The following NHEJ1 variants were observed in gnomAD, a reference collection of about 807,000 sequenced individuals.
NHEJ1 encodes the protein non-homologous end-joining factor 1.
NHEJ1 carries 22 observed loss-of-function variants against 39.4 expected under a neutral mutation model. That is an observed-to-expected ratio of 0.56 (90% CI 0.40 to 0.80). The LOEUF is 0.80. NHEJ1 is among the 30% of genes least tolerant of loss of function. The pLI, the probability that NHEJ1 is intolerant of heterozygous loss-of-function variation, is 0.00. For synonymous variants in NHEJ1, 154 were observed against 135.6 expected, an observed-to-expected ratio of 1.14 and a Z score of -0.94; for missense variants, 329 against 357.1, an observed-to-expected ratio of 0.92 and a Z score of 0.63.
intron 5 of NHEJ1, among the ~76,000 whole-genome samples, chr2:219,079,437 G>A (rs531266137): frequency 6.6e-6 from 1 of 152,326 alleles, no homozygotes; most frequent in Admixed American, 6.5e-5. Flanking sequence ...GAATAGAAGA[G>A]AGAAAGTGTG....
rs948519660 is a variant in NHEJ1 at position 219,080,800 on chromosome 2, A to C, written c.589-2594T>G. Among the ~76,000 whole-genome samples the C allele has an allele frequency of 2.0e-5, 3 of 152,082 alleles. No individual in the cohort carries two copies. In the South Asian group the frequency reaches 6.2e-4, roughly 32 times the overall value. ...CTACTATTTCCCTGGCATCTAGAAG[A>C]ACCCTGAGCTCACGGTAGAGGCTCA... On this transcript the variant is annotated intron_variant, in intron 5 of 7. Transcript: ENST00000356853.
At chr2:219,119,879 C>A (rs1949455007) in intron 5 of NHEJ1, among the ~76,000 whole-genome samples, 1 of 152,184 alleles carries the variant, frequency 6.6e-6, no homozygotes, top group Non-Finnish European at 1.5e-5. Context: ...TCCTACAGCT[C>A]TTTGTGACGT....
In NHEJ1 at chr2:219,149,552, G is replaced by T. The variant is rs559713109; in HGVS notation, c.391-1757C>A. On this transcript the variant is annotated intron_variant, in intron 3 of 7. Coordinates refer to ENST00000356853, the MANE Select transcript of NHEJ1 (RefSeq NM_024782.3). ...AATCGCTTGAATCCGGGAGGCAGAG[G>T]TTGCGGTGAGCCAAGATCATGCCAT... Among the ~76,000 whole-genome samples, 492 of 152,280 alleles carry T rather than the reference G, an allele frequency of 3.2e-3. 2 individuals carry two copies. The highest frequency in any genetic ancestry group is 5.3e-3 in the Non-Finnish European group (359 of 68,022).
chr2:219,157,698 A>C lies in NHEJ1; in HGVS notation c.178-14T>G. 1 of 1,606,432 alleles carries C rather than the reference A, an allele frequency of 6.2e-7. No homozygotes were observed. The highest frequency in any genetic ancestry group is 8.5e-7 in the Non-Finnish European group (1 of 1,174,804). On this transcript the variant is annotated splice_polypyrimidine_tract_variant and intron_variant, in intron 2 of 7. Transcript: ENST00000356853. ...CTTGTTCAGCTCCTAAAGAGAGAGC[A>C]GTGGTACAGAGTAAGGGTGCTAAAA...
intron 7 of NHEJ1, 102 bp from the exon 8 acceptor site, chr2:219,076,557 C>T (rs866277313): frequency 7.6e-5 from 35 of 457,712 alleles, no homozygotes; most frequent in African/African-American, 1.7e-4. Flanking sequence ...AGGATGAGGC[C>T]TTTTTTTTTT....
intron 1 of NHEJ1, among the ~76,000 whole-genome samples, chr2:219,159,542 T>TATATATGC (rs1553549806): frequency 0.024 from 832 of 34,296 alleles, 60 homozygotes; most frequent in African/African-American, 0.057. Context: ...TATATGCATA[T>TATATATGC]ATATATATGC....
chr2:219,095,257 T>C (rs918612436), intron 5 of NHEJ1: 5 of 469,588 alleles, frequency 1.1e-5, no homozygotes, highest in East Asian at 6.9e-5. Context: ...GGGAAGACAA[T>C]GGAAACAAAA....
intron 5 of NHEJ1, 135 bp from the exon 6 acceptor site, chr2:219,078,341 A>T (rs1949033654): frequency 1.3e-6 from 1 of 773,356 alleles, no homozygotes; most frequent in East Asian, 2.5e-5. Context: ...GGGCGACCAT[A>T]TCCAAGCCTG....
intron 5 of NHEJ1, among the ~76,000 whole-genome samples, chr2:219,115,153 A>AAAG (rs138331690): frequency 0.042 from 6,198 of 148,058 alleles, 173 homozygotes; most frequent in Non-Finnish European, 0.06. Flanking sequence ...CGTATTTTAA[A>AAAG]AAGAAGAAGA....
In NHEJ1 at chr2:219,141,102, AG is replaced by A. The variant is rs1439945019; in HGVS notation, c.588+5577del. 8.1e-4 allele frequency among the ~76,000 whole-genome samples: 124 copies of A among 152,234 alleles called. 2 individuals are homozygous for A. Among genetic ancestry groups the A allele is most frequent in the Non-Finnish European group, 1.5e-4 (10 of 68,032 alleles). On this transcript the variant is annotated intron_variant, in intron 5 of 7. Coordinates refer to ENST00000356853, the MANE Select transcript of NHEJ1 (RefSeq NM_024782.3). The stretch of plus-strand genomic sequence containing the variant: ...AAGCCAAAAAAGGGACAGAAAGGCC[AG>A]GAACAGTGGCTCACACCTGTAATCC...
chr2:219,146,063 T>G (rs1949736571), intron 5 of NHEJ1, among the ~76,000 whole-genome samples: 1 of 152,180 alleles, frequency 6.6e-6, no homozygotes, highest in Admixed American at 6.5e-5. Context: ...AGGTCACTAT[T>G]ATTAATACTT....
In NHEJ1 at chr2:219,159,586, TGC is replaced by T. The variant is rs774623263; in HGVS notation, c.-1+1132_-1+1133del. Among the ~76,000 whole-genome samples the T allele has an allele frequency of 1.1e-3, 111 of 105,382 alleles. 7 individuals carry two copies. Among genetic ancestry groups the T allele is most frequent in the East Asian group, 8.8e-3 (36 of 4,068 alleles). The allele number at this position is 105,382 out of a possible 152,430, so 69.1% of individuals were successfully genotyped here. ...ATGCATATATATATGCATATATATA[TGC>T]ATATATATATATGCATATATATACA... On this transcript the variant is annotated intron_variant, in intron 1 of 7. Transcript: ENST00000356853.
chr2:219,144,412 TTA>T (rs1949717243), intron 5 of NHEJ1, among the ~76,000 whole-genome samples: 1 of 151,842 alleles, frequency 6.6e-6, no homozygotes, highest in Non-Finnish European at 1.5e-5. Flanking sequence ...TATTACAATG[TTA>T]TAAGTGGTAA....
Position 219,159,552 on chromosome 2 carries a change from C to CATAT in NHEJ1, c.-1+1164_-1+1167dup, listed in dbSNP as rs373057307. Among the ~76,000 whole-genome samples the CATAT allele has an allele frequency of 5.1e-4, 34 of 66,378 alleles. 2 individuals carry two copies. Among genetic ancestry groups the CATAT allele is most frequent in the African/African-American group, 1.5e-3 (21 of 14,018 alleles). 43.5% of individuals were successfully genotyped at this position (66,378 alleles called of 152,430 possible). On this transcript the variant is annotated intron_variant, in intron 1 of 7. Coordinates refer to ENST00000356853, the MANE Select transcript of NHEJ1 (RefSeq NM_024782.3). ...ATATATATATGCATATATATATATGCATATATATATGCATATATATATGCA... is the reference window on the plus strand; with the variant it reads ...ATATATATATGCATATATATATATGCATATATATATATATGCATATATATATGCA...
chr2:219,148,991 C>A (rs887237340), intron 3 of NHEJ1, among the ~76,000 whole-genome samples: 1 of 151,938 alleles, frequency 6.6e-6, no homozygotes, highest in Non-Finnish European at 1.5e-5. Context: ...TCAAGCGATT[C>A]TCCTGCCTCA....
intron 7 of NHEJ1, among the ~76,000 whole-genome samples, chr2:219,076,909 T>C (rs1242807931): frequency 6.6e-6 from 1 of 152,164 alleles, no homozygotes; most frequent in Non-Finnish European, 1.5e-5. Context: ...GCAAATGCGA[T>C]ATAAGACCCT....
intron 5 of NHEJ1, among the ~76,000 whole-genome samples, chr2:219,129,732 CATT>C (rs1949558738): frequency 6.6e-6 from 1 of 152,248 alleles, no homozygotes; most frequent in Non-Finnish European, 1.5e-5. Context: ...TCAGGCCCAT[CATT>C]ATGTGGCTAA....
At chr2:219,081,138 C>T (rs1428808748) in intron 5 of NHEJ1, among the ~76,000 whole-genome samples, 1 of 152,158 alleles carries the variant, frequency 6.6e-6, no homozygotes, top group African/African-American at 2.4e-5. Context: ...CCAGATTGGA[C>T]CCCTTGGGGG....
chr2:219,151,955 G>A (rs1394905872), intron 3 of NHEJ1, among the ~76,000 whole-genome samples: 1 of 152,110 alleles, frequency 6.6e-6, no homozygotes, highest in Admixed American at 6.5e-5. Flanking sequence ...GTGACAGAGA[G>A]AGACTCCATC....
Sources: gnomAD v4.1 joint callset for allele counts (sites outside exome capture counted in the v4.1 genomes callset) on GRCh38, gnomAD v4.1.1 for gene constraint, MANE v1.5 for transcripts, NCBI Gene and HGNC (gene_info 2026-07-23, HGNC 2026-07-21) for gene names.